The following SMTNL2 variants were observed in gnomAD, a reference collection of about 807,000 sequenced individuals.
SMTNL2 encodes smoothelin-like protein 2.
In SMTNL2, 43 loss-of-function variants were observed where a neutral mutation model predicts 44.1. That is an observed-to-expected ratio of 0.98 (90% CI 0.76 to 1.26). The LOEUF (loss-of-function observed/expected upper bound fraction) is 1.26, where lower values mean the gene tolerates loss of function less well. Among genes scored for constraint, SMTNL2 ranks in the 50% most tolerant of loss-of-function variants. The pLI is 0.00. For missense variants in SMTNL2, 646 were observed against 670.2 expected (o/e 0.96, Z 0.40); for synonymous variants, 317 against 287.6 (o/e 1.10, Z -1.03).
rs1040701033 is a variant in SMTNL2, at chr17:4,598,443, C to T, written c.1259+1120C>T. ...GGGCGCGTTTGTTATTCTCTCCCTGCCTTTGTGCCTTGTGTTGTCAGCCTC... is the reference window on the plus strand; with the variant it reads ...GGGCGCGTTTGTTATTCTCTCCCTGTCTTTGTGCCTTGTGTTGTCAGCCTC... On this transcript the variant is annotated intron_variant, in intron 7 of 7. Transcript: ENST00000389313. The surrounding 1 kb of genome is among the most constrained non-coding windows in gnomAD (Gnocchi z 4.8). Among the ~76,000 whole-genome samples the T allele has an allele frequency of 6.6e-6, 1 of 152,214 alleles. No homozygotes were observed. Among genetic ancestry groups the T allele is most frequent in the African/African-American group, 2.4e-5 (1 of 41,456 alleles).
At position 4,584,617 on chromosome 17, in the gene SMTNL2, C is replaced by T. The variant is rs1216203600; in HGVS notation, c.12C>T (p.Ala4=). ...CGCTCTGCTGGGCCATGGAGCCGGC[C>T]CCCGACGCCCAGGAGGCGCGCACTG... MEP[A]PDAQEARTVR... Residue 4 remains alanine, a synonymous_variant, in exon 1 of 8, where the codon GCC becomes GCT. Coordinates refer to ENST00000389313, the MANE Select transcript of SMTNL2 (RefSeq NM_001114974.2). The T allele has an allele frequency of 2.4e-6, 3 of 1,243,598 alleles. No individual in the cohort carries two copies. Among genetic ancestry groups the T allele is most frequent in the Admixed American group, 4.3e-5 (1 of 23,314 alleles). 77.0% of individuals were successfully genotyped at this position (1,243,598 alleles called of 1,614,324 possible). A position where few individuals can be genotyped will look rare whatever the true frequency, so the allele number is the denominator to read the frequency against.
intron 7 of SMTNL2, among the ~76,000 whole-genome samples, chr17:4,603,299 G>A (rs1910121809): frequency 6.6e-6 from 1 of 152,228 alleles, no homozygotes; most frequent in African/African-American, 2.4e-5. Flanking sequence ...GAGCTGTTTA[G>A]TTCAGAGAAA....
chr17:4,601,096 C>G (rs1167574134), intron 7 of SMTNL2, among the ~76,000 whole-genome samples: 1 of 152,222 alleles, frequency 6.6e-6, no homozygotes, highest in Non-Finnish European at 1.5e-5. Context: ...GGGGCGTAAG[C>G]AAAGACACTT....
intron 1 of SMTNL2, among the ~76,000 whole-genome samples, chr17:4,585,332 C>T (rs1356267265): frequency 1.3e-5 from 2 of 152,274 alleles, no homozygotes; most frequent in African/African-American, 4.8e-5. Context: ...CTGTTCAGCA[C>T]TGCCTGGAGC....
At chr17:4,596,502 A>G (rs1311295243) in intron 5 of SMTNL2, among the ~76,000 whole-genome samples, 1 of 152,210 alleles carries the variant, frequency 6.6e-6, no homozygotes, top group Non-Finnish European at 1.5e-5. Context: ...GAGCTGGGAA[A>G]GGTGTTCCAA....
intron 4 of SMTNL2, among the ~76,000 whole-genome samples, chr17:4,594,631 T>C (rs1453129545): frequency 6.6e-6 from 1 of 151,514 alleles, no homozygotes; most frequent in Admixed American, 6.6e-5. Flanking sequence ...GGTGAGCAGG[T>C]CCTTCCCTGT....
At chr17:4,599,897 A>C (rs923374426) in intron 7 of SMTNL2, among the ~76,000 whole-genome samples, 2 of 152,128 alleles carry the variant, frequency 1.3e-5, no homozygotes, top group South Asian at 4.1e-4. Flanking sequence ...GCAGGGTAAA[A>C]ACGTGGGCCC....
chr17:4,591,269 C>A (rs1909559560), intron 1 of SMTNL2, among the ~76,000 whole-genome samples: 1 of 152,206 alleles, frequency 6.6e-6, no homozygotes, highest in Non-Finnish European at 1.5e-5. Flanking sequence ...ACATCATTTG[C>A]CTGGGAACCT....
intron 7 of SMTNL2, among the ~76,000 whole-genome samples, chr17:4,605,153 G>GTTTTTTTTT (rs753950451): frequency 1.2e-5 from 1 of 82,250 alleles, no homozygotes. Flanking sequence ...TTTTTGTTTG[G>GTTTTTTTTT]TTTTTTTTTT....
At chr17:4,586,727 G>A (rs982264521) in intron 1 of SMTNL2, among the ~76,000 whole-genome samples, 2 of 152,164 alleles carry the variant, frequency 1.3e-5, no homozygotes, top group Admixed American at 1.3e-4. Flanking sequence ...TGATTGTGAT[G>A]GTCCAAGGAG....
rs7222417 is a variant in SMTNL2 at position 4,598,345 on chromosome 17, C to G, written c.1259+1022C>G. ...GAGCAGGGCACAGATGAGTGGTGTTCGGGGCTGCCCAATGCTAAGCTCTCT... is the reference window on the plus strand; with the variant it reads ...GAGCAGGGCACAGATGAGTGGTGTTGGGGGCTGCCCAATGCTAAGCTCTCT... On this transcript the variant is annotated intron_variant, in intron 7 of 7. Coordinates refer to ENST00000389313, the MANE Select transcript of SMTNL2 (RefSeq NM_001114974.2). The surrounding 1 kb of genome is among the most constrained non-coding windows in gnomAD (Gnocchi z 4.8). Among the ~76,000 whole-genome samples the G allele has an allele frequency of 6.6e-6, 1 of 152,114 alleles. No homozygotes were observed. The highest frequency in any genetic ancestry group is 1.5e-5 in the Non-Finnish European group (1 of 68,020).
intron 1 of SMTNL2, among the ~76,000 whole-genome samples, chr17:4,585,421 A>G (rs889830133): frequency 6.6e-6 from 1 of 152,178 alleles, no homozygotes; most frequent in Non-Finnish European, 1.5e-5. Context: ...TTGCCGCTTC[A>G]CTGAGGCCTG....
chr17:4,589,456 C>G (rs573959714), intron 1 of SMTNL2, among the ~76,000 whole-genome samples: 4 of 152,134 alleles, frequency 2.6e-5, no homozygotes, highest in Non-Finnish European at 4.4e-5. Flanking sequence ...ACGGCCGCAG[C>G]GTGGCTCTAG....
At chr17:4,596,694 G>T (rs1170178867) in intron 5 of SMTNL2, among the ~76,000 whole-genome samples, 166 bp from the exon 6 acceptor site, 1 of 152,158 alleles carries the variant, frequency 6.6e-6, no homozygotes, top group Non-Finnish European at 1.5e-5. Context: ...TGCCGTGGAC[G>T]TGGGCACAGC....
Position 4,593,112 on chromosome 17 carries a change from T to A in SMTNL2, c.671T>A (p.Leu224Gln). The A allele has an allele frequency of 6.2e-7, 1 of 1,613,598 alleles. No individual in the cohort carries two copies. Among genetic ancestry groups the A allele is most frequent in the Non-Finnish European group, 8.5e-7 (1 of 1,179,788 alleles). Residue 224 changes from leucine to glutamine, a missense_variant, in exon 3 of 8, where the codon CTG becomes CAG. Physicochemically the swap from Leu to Gln is moderately radical, Grantham distance 113. Transcript: ENST00000389313. ...AALSPMSAATLGGLNPSPSEV... is the reference protein window; with the variant it reads ...AALSPMSAATQGGLNPSPSEV... ...CTATCACCCATGTCTGCTGCCACCC[T>A]GGGGGGCCTCAACCCAAGCCCCAGC...
chr17:4,589,877 G>A (rs1430917237), intron 1 of SMTNL2, among the ~76,000 whole-genome samples: 4 of 134,104 alleles, frequency 3.0e-5, no homozygotes, highest in African/African-American at 1.1e-4. Context: ...CCCAATGGAT[G>A]CCTGGTTGGA....
Position 4,584,563 on chromosome 17 carries a change from T to TC in SMTNL2, c.-38dup. On this transcript the variant is annotated 5_prime_UTR_variant, in exon 1 of 8. Coordinates refer to ENST00000389313, the MANE Select transcript of SMTNL2 (RefSeq NM_001114974.2). ...CCGGAGCTGCGGAGCTCGGATCTTC[T>TC]CCCCCGTCTGGCCCGCTCTCGACCC... 8.2e-7 allele frequency: 1 copy of TC among 1,216,678 alleles called. No homozygotes were observed. Among genetic ancestry groups the TC allele is most frequent in the Non-Finnish European group, 1.0e-6 (1 of 978,174 alleles). The allele number at this position is 1,216,678 out of a possible 1,614,324, so 75.4% of individuals were successfully genotyped here. A position where few individuals can be genotyped will look rare whatever the true frequency, so the allele number is the denominator to read the frequency against.
At chr17:4,584,076 A>T (rs1054369080), upstream of SMTNL2, 2 of 152,378 alleles carry the variant, frequency 1.3e-5, no homozygotes, top group African/African-American at 4.8e-5. Context: ...AGATACAAGA[A>T]ATTCCAGGCG....
At position 4,584,594 on chromosome 17, in the gene SMTNL2, C is replaced by CT; in HGVS notation, c.-11dup. 8.2e-7 allele frequency: 1 copy of CT among 1,225,278 alleles called. No individual in the cohort carries two copies. The highest frequency in any genetic ancestry group is 1.0e-6 in the Non-Finnish European group (1 of 983,350). The allele number at this position is 1,225,278 out of a possible 1,614,324, so 75.9% of individuals were successfully genotyped here. A position where few individuals can be genotyped will look rare whatever the true frequency, so the allele number is the denominator to read the frequency against. On this transcript the variant is annotated 5_prime_UTR_variant, in exon 1 of 8. Transcript: ENST00000389313. ...GTCTGGCCCGCTCTCGACCCGCGCG[C>CT]TCTGCTGGGCCATGGAGCCGGCCCC...
Sources: gnomAD v4.1 joint callset for allele counts (sites outside exome capture counted in the v4.1 genomes callset) on GRCh38, gnomAD v4.1.1 for gene constraint, Gnocchi (gnomAD v3.1) non-coding constraint, MANE v1.5 for transcripts, NCBI Gene and HGNC (gene_info 2026-07-23, HGNC 2026-07-21) for gene names.